The following NUP62 variants were observed in gnomAD, a reference collection of about 807,000 sequenced individuals.
The protein encoded by NUP62 is nucleoporin 62.
For synonymous variants in NUP62, 305 were observed against 303.4 expected, an observed-to-expected ratio of 1.01 and a Z score of -0.05; for missense variants, 647 against 689.4, an observed-to-expected ratio of 0.94 and a Z score of 0.69.
At chr19:49,926,217 A>C (rs1171200234) in intron 2 of NUP62, among the ~76,000 whole-genome samples, 1 of 141,506 alleles carries the variant, frequency 7.1e-6, no homozygotes. Flanking sequence ...TCAAAAAAAA[A>C]AAAAAAAAAA....
rs879939773 is a variant in NUP62, at chr19:49,908,571, A to T, written c.1237T>A (p.Leu413Met). Residue 413 changes from leucine to methionine, a missense_variant, in exon 3 of 3, where the codon TTG becomes ATG. Transcript: ENST00000352066. ...ATGGTCCCGCTCTGCTCCTTGACCA[A>T]CTCCTCCAGTGGGCTCAGCAGGTCT... is the stretch of plus-strand genomic sequence containing the variant. ...LEDLLSPLEE[L>M]VKEQSGTIYL... 6.2e-7 allele frequency: 1 copy of T among 1,613,524 alleles called. No individual in the cohort carries two copies. The highest frequency in any genetic ancestry group is 2.2e-5 in the East Asian group (1 of 44,852).
In NUP62 at chr19:49,908,938, A is replaced by G; in HGVS notation, c.870T>C (p.Phe290=). The G allele has an allele frequency of 6.2e-7, 1 of 1,608,818 alleles. No individual in the cohort carries two copies. The highest frequency in any genetic ancestry group is 1.1e-5 in the South Asian group (1 of 90,962). ...GCGCCAGTGGTTTTAAATTCAAGGC[A>G]AAGCCGGTGGTGCTGCTGCTGCTGG... is the stretch of plus-strand genomic sequence containing the variant. The part of the protein sequence containing the change: ...TTTSSSSTTG[F]ALNLKPLAPA... Residue 290 remains phenylalanine, a synonymous_variant, in exon 3 of 3, where the codon TTT becomes TTC. Transcript: ENST00000352066.
chr19:49,912,532 A>G (rs1474356324), intron 2 of NUP62, among the ~76,000 whole-genome samples: 1 of 152,148 alleles, frequency 6.6e-6, no homozygotes, highest in Non-Finnish European at 1.5e-5. Context: ...GGATCTATTC[A>G]CAATGGTGAA....
At chr19:49,919,097 G>A (rs74174301) in intron 2 of NUP62, among the ~76,000 whole-genome samples, 24,011 of 151,242 alleles carry the variant, frequency 0.16, 2,441 homozygotes, top group Non-Finnish European at 0.23. Context: ...AGGTTGCAGT[G>A]AGCCGAGATC....
At chr19:49,924,770 T>A (rs1442836373) in intron 2 of NUP62, among the ~76,000 whole-genome samples, 1 of 151,992 alleles carries the variant, frequency 6.6e-6, no homozygotes, top group Non-Finnish European at 1.5e-5. Context: ...GAGCTAAGGG[T>A]GCCAACTGGC....
chr19:49,908,233 T>C lies in NUP62; in HGVS notation c.*6A>G. The C allele has an allele frequency of 1.2e-6, 2 of 1,612,676 alleles. No individual in the cohort carries two copies. Among genetic ancestry groups the C allele is most frequent in the Non-Finnish European group, 1.7e-6 (2 of 1,179,996 alleles). ...AGGGACCTGCGGGCCCCAGGGCTGC[T>C]GTCGCTCAGTCAAAGGTGATCCGGA... On this transcript the variant is annotated 3_prime_UTR_variant, in exon 3 of 3. Coordinates refer to ENST00000352066, the MANE Select transcript of NUP62 (RefSeq NM_016553.5).
intron 2 of NUP62, among the ~76,000 whole-genome samples, chr19:49,913,806 G>A (rs912713214): frequency 6.6e-6 from 1 of 152,204 alleles, no homozygotes; most frequent in African/African-American, 2.4e-5. Flanking sequence ...CACGTGACAG[G>A]CGGGAGAATC....
In NUP62 at chr19:49,908,960, CTGGTGG is replaced by C. The variant is rs746663980; in HGVS notation, c.842_847del (p.Thr281_Thr282del). 6.2e-6 allele frequency: 10 copies of C among 1,605,828 alleles called. No homozygotes were observed. In the South Asian group the frequency reaches 6.6e-5, roughly 11 times the overall value. On this transcript the variant is annotated inframe_deletion, in exon 3 of 3. Coordinates refer to ENST00000352066, the MANE Select transcript of NUP62 (RefSeq NM_016553.5). ...GGCAAAGCCGGTGGTGCTGCTGCTG[CTGGTGG>C]TGGTGGCGGTGGCGGTGGCAGCGGT... is the stretch of plus-strand genomic sequence containing the variant.
chr19:49,928,131 G>A (rs3826777), intron 1 of NUP62: 51,833 of 152,132 alleles, frequency 0.34, 9,190 homozygotes, highest in East Asian at 0.43. Flanking sequence ...GAGGGAGACA[G>A]AAGAATGACA....
intron 2 of NUP62, among the ~76,000 whole-genome samples, chr19:49,924,673 G>A (rs2075842769): frequency 6.6e-6 from 1 of 152,228 alleles, no homozygotes; most frequent in South Asian, 2.1e-4. Flanking sequence ...CACACGAGGG[G>A]ACTCAGGGTT....
At chr19:49,913,927 G>T (rs748694192) in intron 2 of NUP62, among the ~76,000 whole-genome samples, 5 of 152,194 alleles carry the variant, frequency 3.3e-5, no homozygotes, top group African/African-American at 4.8e-5. Flanking sequence ...TGGAGGCCAG[G>T]TGGCTTAGAG....
Position 49,907,241 on chromosome 19 carries a change from C to A in NUP62, c.*998G>T, listed in dbSNP as rs180934958. The A allele has an allele frequency of 3.4e-6, 1 of 292,410 alleles. No homozygotes were observed. Among genetic ancestry groups the A allele is most frequent in the Non-Finnish European group, 6.6e-6 (1 of 150,462 alleles). 18.1% of individuals were successfully genotyped at this position (292,410 alleles called of 1,614,324 possible). ...CCCAAGGTACAGGCTCAGGGTGCTA[C>A]GGGGACCTGCAAGAAGGCCACCTGA... On this transcript the variant is annotated 3_prime_UTR_variant, in exon 3 of 3. Coordinates refer to ENST00000352066, the MANE Select transcript of NUP62 (RefSeq NM_016553.5).
Position 49,909,616 on chromosome 19 carries a change from G to T in NUP62, c.192C>A (p.Thr64=), listed in dbSNP as rs145084636. The T allele has an allele frequency of 1.2e-6, 2 of 1,613,390 alleles. No homozygotes were observed. Among genetic ancestry groups the T allele is most frequent in the Non-Finnish European group, 1.7e-6 (2 of 1,179,364 alleles). ...CTGTCGTCTGTGTGGCCGGAGTCTG[G>T]GTGGCAAGTGAGAACAGGCCGGTGG... ...TPSTGLFSLA[T]QTPATQTTGF... Residue 64 remains threonine, a synonymous_variant, in exon 3 of 3, where the codon ACC becomes ACA. Transcript: ENST00000352066.
intron 2 of NUP62, among the ~76,000 whole-genome samples, chr19:49,913,554 T>C (rs1404748516): frequency 6.6e-6 from 1 of 152,236 alleles, no homozygotes; most frequent in Non-Finnish European, 1.5e-5. Context: ...CCGTAAGCGT[T>C]ACCACACGCT....
At chr19:49,924,537 G>A (rs926976723) in intron 2 of NUP62, among the ~76,000 whole-genome samples, 4 of 152,118 alleles carry the variant, frequency 2.6e-5, no homozygotes, top group African/African-American at 7.2e-5. Flanking sequence ...CCTCCGCACC[G>A]AAAAAGAGTC....
chr19:49,913,591 G>A (rs370772054), intron 2 of NUP62, among the ~76,000 whole-genome samples: 1 of 152,226 alleles, frequency 6.6e-6, no homozygotes, highest in Non-Finnish European at 1.5e-5. Flanking sequence ...AGCACTGTCC[G>A]CGGGACTCTC....
intron 2 of NUP62, among the ~76,000 whole-genome samples, chr19:49,916,731 T>C (rs1180596385): frequency 6.6e-6 from 1 of 151,600 alleles, no homozygotes; most frequent in Non-Finnish European, 1.5e-5. Context: ...ACCACTGCAC[T>C]CCAGCCTGGG....
chr19:49,909,976 G>C, intron 2 of NUP62, 92 bp from the exon 3 acceptor site: 1 of 730,708 alleles, frequency 1.4e-6, no homozygotes, highest in South Asian at 1.5e-5. Flanking sequence ...AGGGTGGTGG[G>C]ATGGGATAAT....
rs1290749 is a variant in NUP62, at chr19:49,909,052, C to G, written c.756G>C (p.Gly252=). The change falls in exon 3 of 3, where the codon GGG becomes GGC. Residue 252 remains glycine (G), a synonymous_variant. Transcript: ENST00000352066. ...PVTTAGAPTA[G]TQGFSLKAPG... ...GTGCCTTTAAGCTGAAGCCCTGTGTCCCAGCAGTGGGGGCGCCCGCTGTGG... is the reference window on the plus strand; with the variant it reads ...GTGCCTTTAAGCTGAAGCCCTGTGTGCCAGCAGTGGGGGCGCCCGCTGTGG... 17,871 of 1,612,988 alleles carry G rather than the reference C, an allele frequency of 0.011. 430 individuals are homozygous for G. The highest frequency in any genetic ancestry group is 0.1 in the East Asian group (4,700 of 44,868).
Sources: allele counts gnomAD v4.1 joint callset (sites outside exome capture counted in the v4.1 genomes callset), GRCh38; gene constraint gnomAD v4.1.1; transcripts MANE v1.5; gene names NCBI Gene and HGNC (gene_info 2026-07-23, HGNC 2026-07-21).